Variants in STPG1 observed in about 807,000 individuals in gnomAD.
STPG1 encodes the protein sperm tail PG-rich repeat containing 1, also known as O(6)-methylguanine-induced apoptosis 2.
In STPG1, 33 loss-of-function variants were observed where a neutral mutation model predicts 40.1. The ratio of observed to expected loss-of-function variants is 0.82; its 90% CI spans 0.62 to 1.10. The LOEUF is 1.10. STPG1 is among the 50% of genes least tolerant of loss of function. STPG1 has a pLI of 0.00. For missense variants in STPG1, 396 were observed against 415.1 expected, an observed-to-expected ratio of 0.95 and a Z score of 0.40; for synonymous variants, 150 against 155.0, an observed-to-expected ratio of 0.97 and a Z score of 0.24.
At chr1:24,393,121 T>TA (rs1199846515) in intron 2 of STPG1, among the ~76,000 whole-genome samples, 1 of 152,066 alleles carries the variant, frequency 6.6e-6, no homozygotes. Flanking sequence ...GCGGAACAGG[T>TA]AGGGTGTGAA....
chr1:24,364,475 A>T, intron 7 of STPG1: 1 of 1,393,846 alleles, frequency 7.2e-7, no homozygotes, highest in Admixed American at 3.4e-5. Flanking sequence ...ATTACTTTGC[A>T]TTTAAAATGT....
intron 3 of STPG1, among the ~76,000 whole-genome samples, chr1:24,390,958 C>T (rs1570064756): frequency 6.6e-6 from 1 of 151,994 alleles, no homozygotes; most frequent in Non-Finnish European, 1.5e-5. Context: ...CACCACTATG[C>T]CAAGCTAATT....
intron 6 of STPG1, among the ~76,000 whole-genome samples, chr1:24,372,968 G>A (rs1641823327): frequency 6.6e-6 from 1 of 152,186 alleles, no homozygotes; most frequent in South Asian, 2.1e-4. Flanking sequence ...AGGCCGGCAG[G>A]GGAAACACTT....
intron 6 of STPG1, among the ~76,000 whole-genome samples, chr1:24,370,477 C>T (rs1280145757): frequency 6.6e-6 from 1 of 151,754 alleles, no homozygotes; most frequent in Non-Finnish European, 1.5e-5. Flanking sequence ...TGTACCACCA[C>T]ACCCTGCAAA....
rs76830376 is a variant in STPG1, at chr1:24,394,827, A to C, written c.71-3148T>G. Reference sequence around the variant, plus strand: ...AAAAGGATTAGTGAGCTGTGTGGAAACTTTGAGGAGCCTAATATATATGTA... The same window carrying C: ...AAAAGGATTAGTGAGCTGTGTGGAACCTTTGAGGAGCCTAATATATATGTA... On this transcript the variant is annotated intron_variant, in intron 2 of 8. Coordinates refer to ENST00000337248, the MANE Select transcript of STPG1 (RefSeq NM_001199013.2). Among the ~76,000 whole-genome samples, 44 of 152,272 alleles carry C rather than the reference A, an allele frequency of 2.9e-4. 1 individual carries two copies. The East Asian group carries it at 7.7e-3, about 27-fold the overall frequency.
At chr1:24,413,027 G>C (rs1643788407) in intron 1 of STPG1, among the ~76,000 whole-genome samples, 1 of 152,156 alleles carries the variant, frequency 6.6e-6, no homozygotes, top group Non-Finnish European at 1.5e-5. Flanking sequence ...GAATTTTTTT[G>C]GATGTCCTGA....
chr1:24,361,142 G>A, intron 7 of STPG1, 101 bp from the exon 8 acceptor site: 1 of 1,125,186 alleles, frequency 8.9e-7, no homozygotes, highest in Non-Finnish European at 1.2e-6. Flanking sequence ...AAGCTGTCTG[G>A]AAGAGGACTG....
chr1:24,360,554 A>G (rs567441379), intron 8 of STPG1, among the ~76,000 whole-genome samples: 1 of 152,362 alleles, frequency 6.6e-6, no homozygotes, highest in Non-Finnish European at 1.5e-5. Flanking sequence ...TATATGTGCC[A>G]ATTCTTCAGC....
At chr1:24,411,339 T>C (rs1643621645) in intron 1 of STPG1, among the ~76,000 whole-genome samples, 1 of 152,192 alleles carries the variant, frequency 6.6e-6, no homozygotes, top group Non-Finnish European at 1.5e-5. Context: ...AAGTCTGACT[T>C]CTACTCACTC....
intron 3 of STPG1, 23 bp from the exon 4 acceptor site, chr1:24,384,026 GTCA>G (rs1470266010): frequency 7.0e-7 from 1 of 1,435,560 alleles, no homozygotes; most frequent in Non-Finnish European, 9.8e-7. Flanking sequence ...AGAAGGTGGT[GTCA>G]TCGAGATACT....
intron 4 of STPG1, 113 bp from the exon 5 acceptor site, chr1:24,379,936 C>T (rs1470971859): frequency 1.6e-5 from 17 of 1,056,672 alleles, no homozygotes; most frequent in East Asian, 7.9e-5. Context: ...TTATAAAAGG[C>T]GAAACTCTGG....
At chr1:24,388,717 C>G (rs1470403504) in intron 3 of STPG1, among the ~76,000 whole-genome samples, 1 of 152,190 alleles carries the variant, frequency 6.6e-6, no homozygotes, top group East Asian at 1.9e-4. Context: ...GTTTTCAAAT[C>G]TGTCTTTAAT....
intron 7 of STPG1, among the ~76,000 whole-genome samples, chr1:24,365,074 A>T (rs1490826615): frequency 6.6e-6 from 1 of 152,196 alleles, no homozygotes; most frequent in Non-Finnish European, 1.5e-5. Flanking sequence ...TCTGGGGTGG[A>T]ATGCAGTATC....
intron 2 of STPG1, among the ~76,000 whole-genome samples, chr1:24,395,428 A>ATTTTTTTTTTTTTTTTTTT (rs71577706): frequency 3.7e-4 from 48 of 128,058 alleles, no homozygotes; most frequent in African/African-American, 1.4e-3. Context: ...AAATTGAACA[A>ATTTTTTTTTTTTTTTTTTT]TTTTTTTTTT....
intron 3 of STPG1, among the ~76,000 whole-genome samples, chr1:24,389,365 C>T (rs1642656500): frequency 2.6e-5 from 4 of 152,014 alleles, no homozygotes; most frequent in Admixed American, 2.6e-4. Context: ...CTTTCACAGG[C>T]CAAATTTACA....
At position 24,393,563 on chromosome 1, in the gene STPG1, G is replaced by A. The variant is rs111858634; in HGVS notation, c.71-1884C>T. ...AGGAAGGACATTCTCCTGGGGAAAG[G>A]AGAGGTTTCTGCCTGACTGGAAAGG... On this transcript the variant is annotated intron_variant, in intron 2 of 8. Transcript: ENST00000337248. Among the ~76,000 whole-genome samples, 879 of 152,298 alleles carry A rather than the reference G, an allele frequency of 5.8e-3. 11 individuals are homozygous for A. Among genetic ancestry groups the A allele is most frequent in the African/African-American group, 0.02 (814 of 41,546 alleles).
chr1:24,372,050 T>C (rs1641773194), intron 6 of STPG1, among the ~76,000 whole-genome samples: 1 of 152,060 alleles, frequency 6.6e-6, no homozygotes, highest in Non-Finnish European at 1.5e-5. Flanking sequence ...TGGCGGCGCA[T>C]GCCTGTAATC....
chr1:24,361,832 T>C (rs1016215483), intron 7 of STPG1, among the ~76,000 whole-genome samples: 1 of 152,164 alleles, frequency 6.6e-6, no homozygotes, highest in African/African-American at 2.4e-5. Context: ...ATTCTGGGCC[T>C]CAGTTTCCCC....
At chr1:24,411,763 T>C (rs1281595087) in intron 1 of STPG1, 1 of 152,210 alleles carries the variant, frequency 6.6e-6, no homozygotes. Context: ...GAAGTTACAA[T>C]ATTGCATATA....
Sources: gnomAD v4.1 joint callset for allele counts (sites outside exome capture counted in the v4.1 genomes callset) on GRCh38, gnomAD v4.1.1 for gene constraint, MANE v1.5 for transcripts, NCBI Gene and HGNC (gene_info 2026-07-23, HGNC 2026-07-21) for gene names.